Variants in PCDH15 observed in about 807,000 individuals in gnomAD.
The protein encoded by PCDH15 is protocadherin related 15, also known as protocadherin-15.
Under a neutral mutation model 178.5 loss-of-function variants are expected in PCDH15, and 129 were observed. That is an observed-to-expected ratio of 0.72 (90% confidence interval 0.63 to 0.84). The LOEUF (loss-of-function observed/expected upper bound fraction) is 0.84. PCDH15 is among the 40% of genes least tolerant of loss of function. The pLI is 0.00. For synonymous variants in PCDH15, 800 were observed against 732.0 expected (o/e 1.09, Z -1.50); for missense variants, 2,230 against 2,099.9 (o/e 1.06, Z -1.21).
intron 2 of PCDH15, among the ~76,000 whole-genome samples, chr10:55,125,882 C>G (rs1837886979): frequency 6.6e-6 from 1 of 152,088 alleles, no homozygotes; most frequent in Non-Finnish European, 1.5e-5. Context: ...CTTTCGCCAT[C>G]CATTTCATGA....
intron 18 of PCDH15, among the ~76,000 whole-genome samples, chr10:54,047,995 T>C (rs1052851564): frequency 2.0e-5 from 3 of 152,072 alleles, no homozygotes; most frequent in South Asian, 2.1e-4. Context: ...AGAAAGCAGT[T>C]TGGAGATATC....
chr10:54,461,107 G>A (rs1035133816), intron 3 of PCDH15, among the ~76,000 whole-genome samples: 2 of 151,558 alleles, frequency 1.3e-5, no homozygotes, highest in South Asian at 2.1e-4. Context: ...ATTCATGCTC[G>A]ACTATGCAAT....
intron 1 of PCDH15, among the ~76,000 whole-genome samples, chr10:54,756,404 G>A (rs1947118621): frequency 1.3e-5 from 2 of 152,056 alleles, no homozygotes; most frequent in Middle Eastern, 3.4e-3. Context: ...ATGTAAATAC[G>A]GAGAAATATC....
intron 2 of PCDH15, among the ~76,000 whole-genome samples, chr10:54,591,487 G>A (rs1292327051): frequency 6.6e-6 from 1 of 152,106 alleles, no homozygotes; most frequent in Non-Finnish European, 1.5e-5. Context: ...CCTCCAGAAA[G>A]TAGCATTACC....
At chr10:55,552,676 TTTTAAA>T (rs1376076085) in intron 2 of PCDH15, among the ~76,000 whole-genome samples, 13 of 151,366 alleles carry the variant, frequency 8.6e-5, no homozygotes, top group African/African-American at 3.1e-4. Context: ...GAATGCATTC[TTTTAAA>T]TTTAGTGAGT....
chr10:54,318,968 G>A (rs186783688), intron 7 of PCDH15, among the ~76,000 whole-genome samples: 2 of 152,190 alleles, frequency 1.3e-5, no homozygotes, highest in Admixed American at 1.3e-4. Context: ...TAAAGAATGG[G>A]TAGTAATTTT....
intron 3 of PCDH15, among the ~76,000 whole-genome samples, chr10:54,430,049 CT>C (rs34182878): frequency 0.42 from 49,917 of 119,440 alleles, 10,889 homozygotes; most frequent in Non-Finnish European, 0.49. Flanking sequence ...CCTTCTTCTC[CT>C]TTTTTTTTTT....
At chr10:54,273,763 A>T (rs567227765) in intron 8 of PCDH15, among the ~76,000 whole-genome samples, 1 of 152,224 alleles carries the variant, frequency 6.6e-6, no homozygotes, top group Admixed American at 6.6e-5. Flanking sequence ...AAGAACTCTC[A>T]GTTATAACTG....
chr10:55,045,609 C>T (rs760932268), intron 2 of PCDH15, among the ~76,000 whole-genome samples: 96 of 151,976 alleles, frequency 6.3e-4, no homozygotes, highest in Non-Finnish European at 2.5e-4. Flanking sequence ...ACTGTTTTGC[C>T]ATTTGGGTTA....
intron 15 of PCDH15, among the ~76,000 whole-genome samples, chr10:54,129,200 G>T (rs534088781): frequency 5.3e-4 from 80 of 152,210 alleles, no homozygotes; most frequent in Middle Eastern, 6.8e-3. Context: ...AAGAAATATA[G>T]CCTCTTAAAA....
chr10:54,040,885 T>C (rs1188553577), intron 18 of PCDH15, among the ~76,000 whole-genome samples: 2 of 152,052 alleles, frequency 1.3e-5, no homozygotes, highest in African/African-American at 4.8e-5. Flanking sequence ...TATACGAAGA[T>C]TTGGATGCAA....
rs757171617 is a variant in PCDH15, at chr10:53,822,992, G to A, written c.4368-2762C>T. On this transcript the variant is annotated intron_variant, in intron 32 of 37. Coordinates refer to ENST00000644397, the MANE Select transcript of PCDH15 (RefSeq NM_001384140.1). The stretch of plus-strand genomic sequence containing the variant: ...TCCTCATCAGCCTCCTGGGTAAGCT[G>A]ACTGACTGACTCCACAGCCTCTGAA... 5 of 1,613,884 alleles carry A rather than the reference G, an allele frequency of 3.1e-6. No homozygotes were observed. The highest frequency in any genetic ancestry group is 4.5e-5 in the East Asian group (2 of 44,880).
At chr10:54,224,178 G>A (rs1288559467) in intron 9 of PCDH15, among the ~76,000 whole-genome samples, 3 of 152,120 alleles carry the variant, frequency 2.0e-5, no homozygotes, top group Admixed American at 2.0e-4. Flanking sequence ...TTTTGACATT[G>A]TAGATATATA....
At chr10:54,385,211 A>G (rs1949771752) in intron 3 of PCDH15, among the ~76,000 whole-genome samples, 1 of 152,124 alleles carries the variant, frequency 6.6e-6, no homozygotes. Flanking sequence ...CTCTAGGAGA[A>G]TTCTGAGTTG....
chr10:54,528,917 C>T (rs974103978), intron 2 of PCDH15, among the ~76,000 whole-genome samples: 2 of 151,968 alleles, frequency 1.3e-5, no homozygotes, highest in Admixed American at 6.6e-5. Flanking sequence ...AAATGTGCAC[C>T]TCTGAGACAT....
At chr10:54,574,458 G>A (rs1159599216) in intron 2 of PCDH15, among the ~76,000 whole-genome samples, 1 of 152,044 alleles carries the variant, frequency 6.6e-6, no homozygotes, top group African/African-American at 2.4e-5. Context: ...GTCAGGTAGT[G>A]TGATGCCTCC....
At chr10:54,713,768 T>C (rs1356722720) in intron 1 of PCDH15, among the ~76,000 whole-genome samples, 1 of 152,128 alleles carries the variant, frequency 6.6e-6, no homozygotes, top group Admixed American at 6.6e-5. Flanking sequence ...AATTTGAAAA[T>C]TGCGTTTTCT....
chr10:55,337,665 C>T (rs951002191), intron 2 of PCDH15, among the ~76,000 whole-genome samples: 9 of 152,116 alleles, frequency 5.9e-5, no homozygotes. Context: ...TCATATCAGT[C>T]TCCACATGTT....
intron 6 of PCDH15, among the ~76,000 whole-genome samples, chr10:54,331,963 A>G (rs1183001783): frequency 6.6e-6 from 1 of 151,740 alleles, no homozygotes; most frequent in Non-Finnish European, 1.5e-5. Flanking sequence ...GATAGAGAGA[A>G]GCTAAAAATC....
Sources: allele counts gnomAD v4.1 joint callset (sites outside exome capture counted in the v4.1 genomes callset), GRCh38; gene constraint gnomAD v4.1.1; transcripts MANE v1.5; gene names NCBI Gene and HGNC (gene_info 2026-07-23, HGNC 2026-07-21).